Variants in TACR1 observed in about 807,000 individuals in gnomAD.
TACR1 encodes the protein substance-P receptor.
Under a neutral mutation model 35.8 loss-of-function variants are expected in TACR1, and 25 were observed. That is an observed-to-expected ratio of 0.70 (90% CI 0.51 to 0.98). TACR1 has a LOEUF of 0.98. Ranked by LOEUF, TACR1 falls within the 50% of genes least tolerant of loss-of-function variation. TACR1 has a pLI of 0.00. For missense variants in TACR1, 478 were observed against 522.9 expected (o/e 0.91, Z 0.84); for synonymous variants, 195 against 206.7 (o/e 0.94, Z 0.48).
intron 1 of TACR1, among the ~76,000 whole-genome samples, chr2:75,155,646 C>T (rs1674829739): frequency 6.6e-6 from 1 of 152,192 alleles, no homozygotes; most frequent in African/African-American, 2.4e-5. Context: ...GGAAAATCAC[C>T]AATTACCCTC....
At chr2:75,053,841 T>A in intron 2 of TACR1, 86 bp from the exon 3 acceptor site, 1 of 1,544,416 alleles carries the variant, frequency 6.5e-7, no homozygotes, top group Non-Finnish European at 8.8e-7. Flanking sequence ...GCAGTCAAGG[T>A]TTGGCAGCTA....
intron 1 of TACR1, among the ~76,000 whole-genome samples, chr2:75,177,950 C>T (rs943640959): frequency 8.5e-5 from 13 of 152,138 alleles, no homozygotes; most frequent in Admixed American, 1.3e-4. Flanking sequence ...TCCTCACCTT[C>T]GTCTATGACC....
chr2:75,051,955 T>TG (rs747013327), intron 3 of TACR1, among the ~76,000 whole-genome samples: 2 of 152,018 alleles, frequency 1.3e-5, no homozygotes, highest in African/African-American at 2.4e-5. Flanking sequence ...CAAGGGGAGA[T>TG]GCAGTGAGCT....
intron 1 of TACR1, among the ~76,000 whole-genome samples, chr2:75,149,410 T>C (rs1294368071): frequency 6.6e-6 from 1 of 152,166 alleles, no homozygotes; most frequent in Non-Finnish European, 1.5e-5. Context: ...GTCCTCTCAT[T>C]TCCTTGAGCA....
At chr2:75,095,842 T>C (rs1379613127) in intron 2 of TACR1, among the ~76,000 whole-genome samples, 1 of 152,194 alleles carries the variant, frequency 6.6e-6, no homozygotes, top group African/African-American at 2.4e-5. Context: ...CCCTTCTAGA[T>C]GCTCCAGGTG....
intron 2 of TACR1, among the ~76,000 whole-genome samples, chr2:75,079,303 A>G (rs1046233562): frequency 3.3e-5 from 5 of 152,112 alleles, no homozygotes; most frequent in African/African-American, 1.2e-4. Context: ...TGAATGAGCT[A>G]CTATAATAAG....
At chr2:75,176,592 G>A (rs562684233) in intron 1 of TACR1, among the ~76,000 whole-genome samples, 3 of 152,198 alleles carry the variant, frequency 2.0e-5, no homozygotes, top group East Asian at 1.9e-4. Flanking sequence ...GGGGGAGGCC[G>A]CTAGCCATCT....
chr2:75,065,733 A>T (rs1672750691), intron 2 of TACR1, among the ~76,000 whole-genome samples: 1 of 152,132 alleles, frequency 6.6e-6, no homozygotes, highest in East Asian at 1.9e-4. Flanking sequence ...TTGTTTAGAA[A>T]CTGCTTCAAT....
intron 1 of TACR1, among the ~76,000 whole-genome samples, chr2:75,136,019 G>A (rs572478508): frequency 1.6e-4 from 25 of 152,350 alleles, no homozygotes; most frequent in African/African-American, 5.5e-4. Flanking sequence ...ATTGCCAGAG[G>A]ATGAAGCAGC....
In TACR1 at chr2:75,130,593, A is replaced by G. The variant is rs556544292; in HGVS notation, c.390-9825T>C. On this transcript the variant is annotated intron_variant, in intron 1 of 4. Transcript: ENST00000305249. ...ACAGCAATAAGTTATAATTTCAAAG[A>G]AGCACACATCAAATGAAAAGTTTAG... is the stretch of plus-strand genomic sequence containing the variant. Among the ~76,000 whole-genome samples, 3 of 152,392 alleles carry G rather than the reference A, an allele frequency of 2.0e-5. No individual in the cohort carries two copies. The South Asian group carries it at 6.2e-4, about 32-fold the overall frequency.
At chr2:75,179,903 G>A (rs1463099691) in intron 1 of TACR1, among the ~76,000 whole-genome samples, 1 of 152,164 alleles carries the variant, frequency 6.6e-6, no homozygotes, top group Non-Finnish European at 1.5e-5. Context: ...TTGGGGGTTT[G>A]CCTGTTACTC....
intron 1 of TACR1, among the ~76,000 whole-genome samples, chr2:75,139,562 G>T (rs1033315539): frequency 4.6e-5 from 7 of 152,194 alleles, no homozygotes; most frequent in Non-Finnish European, 1.0e-4. Flanking sequence ...GTGGACAGTG[G>T]CATCTTTCTA....
At chr2:75,109,776 T>C (rs1673716268) in intron 2 of TACR1, among the ~76,000 whole-genome samples, 1 of 152,190 alleles carries the variant, frequency 6.6e-6, no homozygotes, top group African/African-American at 2.4e-5. Context: ...AGATAATCTC[T>C]TCATCTTACA....
At chr2:75,087,377 C>T (rs1245105193) in intron 2 of TACR1, among the ~76,000 whole-genome samples, 1 of 152,158 alleles carries the variant, frequency 6.6e-6, no homozygotes, top group African/African-American at 2.4e-5. Context: ...CAAAGACTAC[C>T]AGTGATAAAC....
At position 75,066,186 on chromosome 2, in the gene TACR1, A is replaced by C. The variant is rs191874738; in HGVS notation, c.585-12431T>G. On this transcript the variant is annotated intron_variant, in intron 2 of 4. Coordinates refer to ENST00000305249, the MANE Select transcript of TACR1 (RefSeq NM_001058.4). The stretch of plus-strand genomic sequence containing the variant: ...GTTTCTGGAGAGTGGATTCCACTTC[A>C]TCTCATTACCTCTGGGACTTTGGGT... 6.8e-3 allele frequency among the ~76,000 whole-genome samples: 1,033 copies of C among 152,312 alleles called. 7 individuals carry two copies. Among genetic ancestry groups the C allele is most frequent in the Non-Finnish European group, 0.01 (691 of 68,014 alleles).
At chr2:75,068,837 T>C (rs1403748172) in intron 2 of TACR1, among the ~76,000 whole-genome samples, 1 of 152,108 alleles carries the variant, frequency 6.6e-6, no homozygotes, top group Non-Finnish European at 1.5e-5. Context: ...ATTGTAGAGA[T>C]TAGTGTTGTC....
intron 2 of TACR1, among the ~76,000 whole-genome samples, chr2:75,087,210 G>A (rs968679284): frequency 2.0e-5 from 3 of 152,142 alleles, no homozygotes; most frequent in African/African-American, 7.2e-5. Flanking sequence ...TCACTCATTT[G>A]TACGTTAAGA....
chr2:75,080,289 C>T (rs1440993510), intron 2 of TACR1, among the ~76,000 whole-genome samples: 1 of 152,130 alleles, frequency 6.6e-6, no homozygotes, highest in African/African-American at 2.4e-5. Context: ...AAGGTTGGCT[C>T]TTCAAGAGGC....
At chr2:75,112,066 C>A (rs2103890165) in intron 2 of TACR1, among the ~76,000 whole-genome samples, 1 of 152,076 alleles carries the variant, frequency 6.6e-6, no homozygotes, top group Middle Eastern at 3.4e-3. Context: ...AGTACAGAAT[C>A]CTACAATTTT....
Sources: allele counts gnomAD v4.1 joint callset (sites outside exome capture counted in the v4.1 genomes callset), GRCh38; gene constraint gnomAD v4.1.1; transcripts MANE v1.5; gene names NCBI Gene and HGNC (gene_info 2026-07-23, HGNC 2026-07-21).